DENND4A: variants seen among roughly 807,000 people sequenced by gnomAD.
DENND4A encodes DENN domain containing 4A.
In DENND4A, 70 loss-of-function variants were observed where a neutral mutation model predicts 199.3. That is an observed-to-expected ratio of 0.35 (90% CI 0.29 to 0.43). The LOEUF (loss-of-function observed/expected upper bound fraction) is 0.43, where lower values mean the gene tolerates loss of function less well. Ranked by LOEUF, DENND4A falls within the 20% of genes least tolerant of loss-of-function variation. The pLI is 1.00. For synonymous variants in DENND4A, 686 were observed against 766.9 expected, an observed-to-expected ratio of 0.89 and a Z score of 1.74; for missense variants, 1,723 against 2,255.8, an observed-to-expected ratio of 0.76 and a Z score of 4.78.
intron 4 of DENND4A, among the ~76,000 whole-genome samples, chr15:65,747,666 C>T (rs2140543631): frequency 6.6e-6 from 1 of 152,262 alleles, no homozygotes; most frequent in Admixed American, 6.5e-5. Context: ...CATATCAATA[C>T]ACCCCAGTTT....
intron 32 of DENND4A, among the ~76,000 whole-genome samples, 175 bp from the exon 33 acceptor site, chr15:65,662,162 G>A (rs1397899547): frequency 6.6e-6 from 1 of 152,114 alleles, no homozygotes; most frequent in Non-Finnish European, 1.5e-5. Flanking sequence ...AAACTTAAAG[G>A]TTTGAAAATG....
chr15:65,733,143 T>C (rs2076010808), intron 7 of DENND4A, among the ~76,000 whole-genome samples: 1 of 152,218 alleles, frequency 6.6e-6, no homozygotes, highest in Admixed American at 6.5e-5. Context: ...AATTCTTACA[T>C]TTACAATATG....
At chr15:65,773,882 G>T (rs1457406843) in intron 1 of DENND4A, among the ~76,000 whole-genome samples, 1 of 152,132 alleles carries the variant, frequency 6.6e-6, no homozygotes, top group Non-Finnish European at 1.5e-5. Context: ...TTTTTGGTTG[G>T]TTGATTATTT....
chr15:65,714,270 G>A (rs993055827), intron 14 of DENND4A, among the ~76,000 whole-genome samples: 5 of 151,798 alleles, frequency 3.3e-5, no homozygotes, highest in South Asian at 2.1e-4. Context: ...AAAAATAGCC[G>A]GGCATGGTGG....
chr15:65,686,310 C>T (rs1452561455), intron 23 of DENND4A, among the ~76,000 whole-genome samples: 1 of 152,148 alleles, frequency 6.6e-6, no homozygotes, highest in Non-Finnish European at 1.5e-5. Flanking sequence ...GTACTGTATA[C>T]ACTTGAAAAT....
At chr15:65,704,586 G>C (rs2074985418) in intron 15 of DENND4A, among the ~76,000 whole-genome samples, 1 of 151,862 alleles carries the variant, frequency 6.6e-6, no homozygotes, top group African/African-American at 2.4e-5. Flanking sequence ...TGTTGCACAG[G>C]CTGAAATAAT....
rs759683652 is a variant in DENND4A at position 65,690,569 on chromosome 15, G to C, written c.4025C>G (p.Thr1342Arg). ...TCPFREESQD[T>R]LTHSSPSFNL... ...AAATGAAGGTGATGAGTGGGTTAAT[G>C]TATCCTGAGATTCTTCCCTAAATGG... Residue 1342 changes from threonine to arginine, a missense_variant, in exon 23 of 33, where the codon ACA becomes AGA. Thr to Arg is a moderately conservative substitution (Grantham distance 71). Coordinates refer to ENST00000443035, the MANE Select transcript of DENND4A (RefSeq NM_001320835.1). 5.0e-6 allele frequency: 8 copies of C among 1,613,710 alleles called. No individual in the cohort carries two copies. The Admixed American group carries it at 6.7e-5, about 13-fold the overall frequency.
chr15:65,755,825 G>A (rs545040453), intron 3 of DENND4A, among the ~76,000 whole-genome samples: 25 of 151,824 alleles, frequency 1.6e-4, no homozygotes, highest in South Asian at 4.1e-4. Flanking sequence ...GCCTTTTTTC[G>A]TACTTTAAAA....
chr15:65,789,603 G>C (rs769023119), intron 1 of DENND4A, among the ~76,000 whole-genome samples: 2 of 151,450 alleles, frequency 1.3e-5, no homozygotes, highest in Non-Finnish European at 1.5e-5. Context: ...ACAAAGATAA[G>C]TCTCTGACAT....
intron 7 of DENND4A, among the ~76,000 whole-genome samples, chr15:65,735,627 C>T (rs2076092604): frequency 6.6e-6 from 1 of 152,072 alleles, no homozygotes; most frequent in African/African-American, 2.4e-5. Flanking sequence ...TAAGTTTTGG[C>T]TGTAGTGTAC....
chr15:65,665,123 CAAAACAA>C (rs759289167), intron 30 of DENND4A: 140 of 465,800 alleles, frequency 3.0e-4, no homozygotes, highest in Admixed American at 1.4e-3. Flanking sequence ...AAAACCAAAC[CAAAACAA>C]AAAACAAAAA....
intron 16 of DENND4A, 94 bp downstream of exon 16, chr15:65,702,773 AATAGTT>A: frequency 8.6e-7 from 1 of 1,162,958 alleles, no homozygotes; most frequent in East Asian, 2.3e-5. Context: ...ATAATCTAGT[AATAGTT>A]ATATATGAAG....
Position 65,729,651 on chromosome 15 carries a change from C to A in DENND4A, c.1194G>T (p.Gln398His). ...TCACAGCATTTTCAGGGCCTAAATTCTGCAGTAGTGTTGAAAACTTGCCAC... is the reference window on the plus strand; with the variant it reads ...TCACAGCATTTTCAGGGCCTAAATTATGCAGTAGTGTTGAAAACTTGCCAC... ...LSGGKFSTLL[Q>H]NLGPENAVTL... The change falls in exon 10 of 33, where the codon CAG (glutamine) becomes CAT (histidine). Residue 398 changes from glutamine to histidine, a missense_variant. Coordinates refer to ENST00000443035, the MANE Select transcript of DENND4A (RefSeq NM_001320835.1). The A allele has an allele frequency of 6.4e-7, 1 of 1,556,360 alleles. No individual in the cohort carries two copies. Among genetic ancestry groups the A allele is most frequent in the Non-Finnish European group, 8.7e-7 (1 of 1,149,662 alleles).
intron 14 of DENND4A, among the ~76,000 whole-genome samples, chr15:65,712,766 A>G (rs547403433): frequency 3.7e-4 from 57 of 152,284 alleles, no homozygotes; most frequent in Non-Finnish European, 7.4e-4. Context: ...AGTCACATAA[A>G]TTTGAAAGTG....
intron 1 of DENND4A, among the ~76,000 whole-genome samples, chr15:65,769,234 CT>C (rs1384358605): frequency 6.7e-6 from 1 of 148,694 alleles, no homozygotes; most frequent in Non-Finnish European, 1.5e-5. Context: ...CACACACACA[CT>C]CAACTGTGGT....
rs1266142266 is a variant in DENND4A at position 65,729,057 on chromosome 15, C to T, written c.1487+15G>A. ...GTTGTAAAATATACATGTAGAATCA[C>T]TAAAATGTACTTACTGAGAAATAGT... On this transcript the variant is annotated intron_variant, in intron 11 of 32. Transcript: ENST00000443035. The T allele has an allele frequency of 6.4e-7, 1 of 1,564,426 alleles. No individual in the cohort carries two copies. Among genetic ancestry groups the T allele is most frequent in the African/African-American group, 1.4e-5 (1 of 73,906 alleles).
chr15:65,763,004 T>A (rs2076891736), intron 1 of DENND4A, among the ~76,000 whole-genome samples: 1 of 152,174 alleles, frequency 6.6e-6, no homozygotes, highest in Admixed American at 6.5e-5. Context: ...AGTATCTTAT[T>A]TTTTTAAATT....
At chr15:65,757,596 A>T (rs923005839) in intron 2 of DENND4A, among the ~76,000 whole-genome samples, 8 of 152,164 alleles carry the variant, frequency 5.3e-5, no homozygotes, top group Non-Finnish European at 1.0e-4. Flanking sequence ...AGAATTCCTA[A>T]CAATAGGCCT....
intron 12 of DENND4A, among the ~76,000 whole-genome samples, chr15:65,722,641 C>A (rs1034766917): frequency 6.7e-6 from 1 of 148,360 alleles, no homozygotes; most frequent in Non-Finnish European, 1.5e-5. Context: ...GGCAACAGAG[C>A]GAGACTCCGT....
Sources: allele counts gnomAD v4.1 joint callset (sites outside exome capture counted in the v4.1 genomes callset), GRCh38; gene constraint gnomAD v4.1.1; transcripts MANE v1.5; gene names NCBI Gene and HGNC (gene_info 2026-07-23, HGNC 2026-07-21).